NAV3: variants seen among roughly 807,000 people sequenced by gnomAD.
NAV3 encodes pore membrane and/or filament interacting like protein 1.
In NAV3, 87 loss-of-function variants were observed where a neutral mutation model predicts 244.7. The observed-to-expected ratio is 0.36, with a 90% confidence interval of 0.30 to 0.42. The LOEUF (loss-of-function observed/expected upper bound fraction) is 0.42. Among genes scored for constraint, NAV3 ranks in the 20% least tolerant of loss-of-function variants. The probability of loss-of-function intolerance (pLI) is 1.00; values close to 1 mark genes in which losing one functional copy is unlikely to be tolerated. For missense variants in NAV3, 2,663 were observed against 2,893.3 expected (o/e 0.92, Z 1.83); for synonymous variants, 1,126 against 1,042.2 (o/e 1.08, Z -1.55).
At chr12:77,849,742 A>G (rs913003035) in intron 1 of NAV3, among the ~76,000 whole-genome samples, 6 of 152,170 alleles carry the variant, frequency 3.9e-5, no homozygotes, top group South Asian at 2.1e-4. Flanking sequence ...TGCTCAATCT[A>G]TATATCAGTG....
At chr12:78,175,456 A>C in intron 25 of NAV3, 29 bp downstream of exon 25, 1 of 1,601,334 alleles carries the variant, frequency 6.2e-7, no homozygotes, top group Non-Finnish European at 8.5e-7. Context: ...TCTAATTCAG[A>C]AGCTTATTAA....
At chr12:78,071,551 T>C (rs1041269716) in intron 12 of NAV3, among the ~76,000 whole-genome samples, 4 of 152,194 alleles carry the variant, frequency 2.6e-5, no homozygotes, top group African/African-American at 9.7e-5. Flanking sequence ...AGAAGCTCTT[T>C]AGTTTAATTA....
intron 21 of NAV3, among the ~76,000 whole-genome samples, chr12:78,147,686 A>C (rs949420628): frequency 1.3e-5 from 2 of 151,800 alleles, no homozygotes; most frequent in Non-Finnish European, 2.9e-5. Flanking sequence ...TTTCCAGCTT[A>C]GAGTTCTCTA....
chr12:77,649,587 C>A (rs1415602516), intron 2 of NAV3, among the ~76,000 whole-genome samples: 1 of 151,976 alleles, frequency 6.6e-6, no homozygotes, highest in East Asian at 1.9e-4. Flanking sequence ...GAAAGATAGT[C>A]TTTAAATTTT....
rs367634221 is a variant in NAV3, at chr12:78,117,800, T to C, written c.2770-227T>C. On this transcript the variant is annotated intron_variant, in intron 13 of 39. Coordinates refer to ENST00000397909, the MANE Select transcript of NAV3 (RefSeq NM_001024383.2). ...TATGACATTTGATATAGAAAATTTC[T>C]ACCTTTCTGTAGCGTTTAATTGGTG... Among the ~76,000 whole-genome samples the C allele has an allele frequency of 9.2e-5, 14 of 152,290 alleles. No homozygotes were observed. The East Asian group carries it at 1.9e-3, about 21-fold the overall frequency.
chr12:78,207,476 G>T (rs1443494905), intron 39 of NAV3, among the ~76,000 whole-genome samples: 1 of 152,116 alleles, frequency 6.6e-6, no homozygotes, highest in Admixed American at 6.6e-5. Flanking sequence ...CTACCTATAT[G>T]AACTGCAGTA....
At chr12:77,845,310 CAGTCTGGCACTGCCTTT>C (rs1411930674) in intron 1 of NAV3, among the ~76,000 whole-genome samples, 1 of 152,160 alleles carries the variant, frequency 6.6e-6, no homozygotes, top group Non-Finnish European at 1.5e-5. Context: ...GGGCTCAGTG[CAGTCTGGCACTGCCTTT>C]AGAAGAGAGG....
chr12:77,976,661 TCTTTC>T (rs1565979341), intron 5 of NAV3, among the ~76,000 whole-genome samples: 45 of 92,686 alleles, frequency 4.9e-4, no homozygotes, highest in Admixed American at 2.3e-3. Context: ...TTTCTTTCTT[TCTTTC>T]TTTTTTTCTT....
At chr12:77,751,177 C>T (rs766737000) in intron 2 of NAV3, among the ~76,000 whole-genome samples, 10 of 152,114 alleles carry the variant, frequency 6.6e-5, no homozygotes, top group Non-Finnish European at 1.0e-4. Flanking sequence ...TAAACATACG[C>T]TGGATAATAA....
Position 77,968,532 on chromosome 12 carries a change from A to C in NAV3, c.501A>C (p.Gly167=), listed in dbSNP as rs372932349. Residue 167 remains glycine, a synonymous_variant, in exon 5 of 40, where the codon GGA becomes GGC. Transcript: ENST00000397909. Reference sequence around the variant, plus strand: ...CATTTCATACAGAAATAAGAAATGGAAACTTAAAAGCCATTCTAGGGCTGT... The same window carrying C: ...CATTTCATACAGAAATAAGAAATGGCAACTTAAAAGCCATTCTAGGGCTGT... The part of the protein sequence containing the change: ...QGLSAEEIRN[G]NLKAILGLFF... The C allele has an allele frequency of 2.5e-6, 4 of 1,612,768 alleles. No individual in the cohort carries two copies. In the African/African-American group the frequency reaches 5.3e-5, roughly 22 times the overall value.
intron 20 of NAV3, among the ~76,000 whole-genome samples, chr12:78,144,850 C>T (rs973168332): frequency 2.3e-5 from 3 of 128,290 alleles, no homozygotes; most frequent in Non-Finnish European, 4.7e-5. Flanking sequence ...AGGCCGGGCA[C>T]GGTGGGCTAC....
intron 22 of NAV3, among the ~76,000 whole-genome samples, chr12:78,152,415 T>A (rs1957112104): frequency 6.6e-6 from 1 of 151,678 alleles, no homozygotes; most frequent in African/African-American, 2.4e-5. Flanking sequence ...TTTGTATATA[T>A]CTGAACATTT....
At chr12:78,005,919 T>C (rs1678715325) in intron 7 of NAV3, among the ~76,000 whole-genome samples, 1 of 152,186 alleles carries the variant, frequency 6.6e-6, no homozygotes, top group Non-Finnish European at 1.5e-5. Context: ...TAAATAACTT[T>C]TTTTTTTGAG....
chr12:77,994,960 T>G, intron 6 of NAV3, 89 bp downstream of exon 6: 1 of 928,722 alleles, frequency 1.1e-6, no homozygotes, highest in Non-Finnish European at 1.6e-6. Flanking sequence ...TTTTTAATGA[T>G]GCACTTCTGA....
At chr12:78,175,271 C>A (rs1414862132) in intron 24 of NAV3, 35 bp from the exon 25 acceptor site, 10 of 1,605,972 alleles carry the variant, frequency 6.2e-6, no homozygotes, top group Middle Eastern at 1.7e-4. Context: ...CGAGACTCTT[C>A]ATGAGCCGAT....
chr12:77,801,914 T>C (rs932718495), intron 2 of NAV3, among the ~76,000 whole-genome samples: 1 of 152,192 alleles, frequency 6.6e-6, no homozygotes, highest in African/African-American at 2.4e-5. Flanking sequence ...ACTAAGCTGA[T>C]GAGTGAGAAA....
At chr12:77,628,856 T>G (rs899921916) in intron 2 of NAV3, among the ~76,000 whole-genome samples, 46 of 146,062 alleles carry the variant, frequency 3.1e-4, no homozygotes, top group African/African-American at 1.2e-3. Flanking sequence ...TCATCACCAC[T>G]GCAGTCCACA....
chr12:77,827,788 G>A (rs1323642247), upstream of NAV3, among the ~76,000 whole-genome samples: 1 of 152,122 alleles, frequency 6.6e-6, no homozygotes, highest in Non-Finnish European at 1.5e-5. Context: ...CCCTGTGAAG[G>A]AAGAATAATT....
Position 78,119,362 on chromosome 12 carries a change from A to C in NAV3, c.3166A>C (p.Ile1056Leu). The C allele has an allele frequency of 1.9e-6, 3 of 1,614,196 alleles. No homozygotes were observed. In the South Asian group the frequency reaches 3.3e-5, roughly 18 times the overall value. Reference sequence around the variant, plus strand: ...TGAAGGGAAAAAGCCCCCCTCAGGCATTGGAAGATCGACTGCCACCAGCTC... The same window carrying C: ...TGAAGGGAAAAAGCCCCCCTCAGGCCTTGGAAGATCGACTGCCACCAGCTC... ...GDEGKKPPSGIGRSTATSSFG... is the reference protein window; with the variant it reads ...GDEGKKPPSGLGRSTATSSFG... The change falls in exon 15 of 40, where the codon ATT becomes CTT. Residue 1056 changes from isoleucine (I) to leucine (L), a missense_variant. By Grantham distance (5) the Ile-to-Leu change is conservative. Coordinates refer to ENST00000397909, the MANE Select transcript of NAV3 (RefSeq NM_001024383.2).
Sources: gnomAD v4.1 joint callset for allele counts (sites outside exome capture counted in the v4.1 genomes callset) on GRCh38, gnomAD v4.1.1 for gene constraint, MANE v1.5 for transcripts, NCBI Gene and HGNC (gene_info 2026-07-23, HGNC 2026-07-21) for gene names.